Variants in SRBD1 observed in about 807,000 individuals in gnomAD.
SRBD1 encodes S1 RNA-binding domain-containing protein 1.
In SRBD1, 88 loss-of-function variants were observed where a neutral mutation model predicts 115.3. That is an observed-to-expected ratio of 0.76 (90% CI 0.64 to 0.91). The LOEUF (loss-of-function observed/expected upper bound fraction) is 0.91. SRBD1 is among the 40% of genes least tolerant of loss of function. The pLI is 0.00. For synonymous variants in SRBD1, 509 were observed against 407.7 expected (o/e 1.25, Z -2.99); for missense variants, 1,385 against 1,177.4 (o/e 1.18, Z -2.58).
At chr2:45,590,517 T>C (rs1001483099) in intron 4 of SRBD1, among the ~76,000 whole-genome samples, 13 of 152,190 alleles carry the variant, frequency 8.5e-5, no homozygotes, top group Middle Eastern at 3.2e-3. Flanking sequence ...GTGGAGGTAA[T>C]TGAATCAAAG....
intron 17 of SRBD1, among the ~76,000 whole-genome samples, chr2:45,418,821 T>G (rs1182696066): frequency 6.6e-6 from 1 of 152,196 alleles, no homozygotes; most frequent in African/African-American, 2.4e-5. Flanking sequence ...AAAAAAATGT[T>G]CCTTAGTTTT....
At chr2:45,533,942 C>A (rs1671688024) in intron 14 of SRBD1, among the ~76,000 whole-genome samples, 1 of 151,910 alleles carries the variant, frequency 6.6e-6, no homozygotes, top group Non-Finnish European at 1.5e-5. Context: ...AATCTTAAAA[C>A]AAGAAATGAC....
At chr2:45,515,652 G>A (rs1258370312) in intron 14 of SRBD1, among the ~76,000 whole-genome samples, 1 of 152,076 alleles carries the variant, frequency 6.6e-6, no homozygotes, top group East Asian at 1.9e-4. Flanking sequence ...CTACCACCAT[G>A]ACAACCCCTA....
Position 45,605,433 on chromosome 2 carries a change from T to C in SRBD1, c.9A>G (p.Ser3=), listed in dbSNP as rs772043490. 3 of 1,613,532 alleles carry C rather than the reference T, an allele frequency of 1.9e-6. No homozygotes were observed. Among genetic ancestry groups the C allele is most frequent in the East Asian group, 2.2e-5 (1 of 44,844 alleles). ...CCTGTACTTTCGCTCTTCTTGGCAA[T>C]GATGACATCTAGAAGAAACAGAAAA... MS[S]LPRRAKVQVQ... Residue 3 remains serine (S), a synonymous_variant, in exon 2 of 21, where the codon TCA becomes TCG. Transcript: ENST00000263736.
chr2:45,579,993 T>A lies in SRBD1; in HGVS notation c.954A>T (p.Gly318=). The change falls in exon 7 of 21, where the codon GGA becomes GGT. Residue 318 remains glycine (G), a synonymous_variant. Coordinates refer to ENST00000263736, the MANE Select transcript of SRBD1 (RefSeq NM_018079.5). The part of the protein sequence containing the change: ...LEHVSAPYKT[G]SKGTKAQRAR... ...CTCTCTGGGCTTTAGTCCCTTTGCTTCCAGTTTTATATGGAGCAGACTAGA... is the reference window on the plus strand; with the variant it reads ...CTCTCTGGGCTTTAGTCCCTTTGCTACCAGTTTTATATGGAGCAGACTAGA... 6.3e-7 allele frequency: 1 copy of A among 1,587,802 alleles called. No homozygotes were observed. Among genetic ancestry groups the A allele is most frequent in the Non-Finnish European group, 8.5e-7 (1 of 1,170,144 alleles).
chr2:45,482,921 T>C (rs567367748), intron 15 of SRBD1, among the ~76,000 whole-genome samples: 1 of 152,282 alleles, frequency 6.6e-6, no homozygotes, highest in Non-Finnish European at 1.5e-5. Context: ...AAATGCTATG[T>C]AAATAATTGT....
In SRBD1 at chr2:45,475,845, C is replaced by T. The variant is rs918451726; in HGVS notation, c.2049+1148G>A. Among the ~76,000 whole-genome samples, 11 of 152,272 alleles carry T rather than the reference C, an allele frequency of 7.2e-5. No individual in the cohort carries two copies. The South Asian group carries it at 8.3e-4, about 11-fold the overall frequency. ...TTCCACGTAGTTGGGACTACAGGTGCGCGCCACCATACCCGGCTAATTTTT... is the reference window on the plus strand; with the variant it reads ...TTCCACGTAGTTGGGACTACAGGTGTGCGCCACCATACCCGGCTAATTTTT... On this transcript the variant is annotated intron_variant, in intron 16 of 20. Transcript: ENST00000263736.
At chr2:45,504,476 A>G (rs1670737995) in intron 14 of SRBD1, among the ~76,000 whole-genome samples, 1 of 152,198 alleles carries the variant, frequency 6.6e-6, no homozygotes, top group South Asian at 2.1e-4. Flanking sequence ...ATCAGACCAG[A>G]GATTCAAGAT....
chr2:45,439,499 T>C (rs1668597103), intron 16 of SRBD1, among the ~76,000 whole-genome samples: 1 of 151,166 alleles, frequency 6.6e-6, no homozygotes, highest in Non-Finnish European at 1.5e-5. Flanking sequence ...TTATAATCCC[T>C]AGAGTAACCA....
chr2:45,502,912 AG>A (rs1404315270), intron 14 of SRBD1, among the ~76,000 whole-genome samples: 1 of 152,092 alleles, frequency 6.6e-6, no homozygotes, highest in Non-Finnish European at 1.5e-5. Flanking sequence ...CCCAAACTCC[AG>A]GGCTCAAGCA....
chr2:45,421,608 T>C lies in SRBD1; in HGVS notation c.2050-1714A>G, dbSNP rs554624162. 4.7e-5 allele frequency among the ~76,000 whole-genome samples: 7 copies of C among 147,446 alleles called. No individual in the cohort carries two copies. The South Asian group carries it at 1.5e-3, about 32-fold the overall frequency. ...TATTTTAAAGTATTTGTTGACTAAC[T>C]GAAGCTAGGTTACAACAATGAATAC... is the stretch of plus-strand genomic sequence containing the variant. On this transcript the variant is annotated intron_variant, in intron 16 of 20. Coordinates refer to ENST00000263736, the MANE Select transcript of SRBD1 (RefSeq NM_018079.5).
Position 45,472,628 on chromosome 2 carries a change from G to A in SRBD1, c.2049+4365C>T, listed in dbSNP as rs1030436671. ...GTTCTGAGTAGCTGAGGCCAGGTGC[G>A]TGTCACCATGCCTAGCTTCAAGCTG... On this transcript the variant is annotated intron_variant, in intron 16 of 20. Transcript: ENST00000263736. Among the ~76,000 whole-genome samples the A allele has an allele frequency of 4.6e-5, 7 of 152,132 alleles. No homozygotes were observed. The South Asian group carries it at 8.3e-4, about 18-fold the overall frequency.
chr2:45,573,141 A>G, intron 9 of SRBD1, 66 bp downstream of exon 9: 1 of 1,465,184 alleles, frequency 6.8e-7, no homozygotes. Context: ...TTAGTAAAGT[A>G]GCAGGCAAAT....
At chr2:45,520,936 A>G (rs1669223827) in intron 14 of SRBD1, among the ~76,000 whole-genome samples, 1 of 152,186 alleles carries the variant, frequency 6.6e-6, no homozygotes, top group South Asian at 2.1e-4. Flanking sequence ...AAGCTATTGC[A>G]ATGGCCCTCT....
chr2:45,407,970 A>G (rs1667485513), intron 19 of SRBD1, among the ~76,000 whole-genome samples: 1 of 152,176 alleles, frequency 6.6e-6, no homozygotes, highest in Non-Finnish European at 1.5e-5. Flanking sequence ...CAATTTTCCT[A>G]AAAACAAATA....
intron 16 of SRBD1, among the ~76,000 whole-genome samples, chr2:45,430,001 A>T (rs1400551844): frequency 6.6e-6 from 1 of 152,150 alleles, no homozygotes; most frequent in Non-Finnish European, 1.5e-5. Context: ...CCAATAATAG[A>T]CAGAGAGCCA....
chr2:45,427,345 G>C (rs12615562), intron 16 of SRBD1, among the ~76,000 whole-genome samples: 6,754 of 152,166 alleles, frequency 0.044, 291 homozygotes, highest in East Asian at 0.13. Context: ...ATTGGATAGA[G>C]TCAAGACCCA....
chr2:45,440,898 CTGTT>C (rs1024212148), intron 16 of SRBD1, among the ~76,000 whole-genome samples: 4 of 152,054 alleles, frequency 2.6e-5, no homozygotes, highest in Non-Finnish European at 5.9e-5. Flanking sequence ...AATTATTTGT[CTGTT>C]TGAGGAGACA....
chr2:45,407,705 A>G (rs1446934544), intron 19 of SRBD1, among the ~76,000 whole-genome samples: 3 of 152,218 alleles, frequency 2.0e-5, no homozygotes, highest in African/African-American at 7.2e-5. Flanking sequence ...CTCAAGACAC[A>G]ACTTGCATAA....
Sources: allele counts gnomAD v4.1 joint callset (sites outside exome capture counted in the v4.1 genomes callset), GRCh38; gene constraint gnomAD v4.1.1; transcripts MANE v1.5; gene names NCBI Gene and HGNC (gene_info 2026-07-23, HGNC 2026-07-21).